Variants in UEVLD observed in about 807,000 individuals in gnomAD.
UEVLD encodes ubiquitin-conjugating enzyme E2 variant 3.
UEVLD carries 47 observed loss-of-function variants against 58.6 expected under a neutral mutation model. The observed-to-expected ratio is 0.80, with a 90% CI of 0.63 to 1.02. The LOEUF is 1.02. UEVLD is among the 50% of genes least tolerant of loss of function. The pLI is 0.00. For synonymous variants in UEVLD, 197 were observed against 195.3 expected (o/e 1.01, Z -0.07); for missense variants, 510 against 550.6 (o/e 0.93, Z 0.74).
intron 7 of UEVLD, among the ~76,000 whole-genome samples, chr11:18,551,626 G>C (rs1851534380): frequency 6.6e-6 from 1 of 152,166 alleles, no homozygotes; most frequent in African/African-American, 2.4e-5. Context: ...AGACCGCCTG[G>C]TTCAAATATG....
At chr11:18,549,115 C>T (rs1006284590) in intron 7 of UEVLD, among the ~76,000 whole-genome samples, 16 of 152,182 alleles carry the variant, frequency 1.1e-4, no homozygotes, top group African/African-American at 3.6e-4. Flanking sequence ...ATAAACTGCT[C>T]AAAGTCATAG....
chr11:18,542,718 T>C (rs1031679342), intron 9 of UEVLD, among the ~76,000 whole-genome samples: 50 of 152,204 alleles, frequency 3.3e-4, no homozygotes, highest in African/African-American at 1.2e-3. Flanking sequence ...TTTAATGGCA[T>C]CAAAGTATAG....
chr11:18,558,782 C>CA lies in UEVLD; in HGVS notation c.613-453dup, dbSNP rs760975470. 7.9e-3 allele frequency among the ~76,000 whole-genome samples: 933 copies of CA among 118,230 alleles called. 8 individuals are homozygous for CA. Among genetic ancestry groups the CA allele is most frequent in the East Asian group, 0.02 (80 of 4,016 alleles). 77.6% of individuals were successfully genotyped at this position (118,230 alleles called of 152,430 possible). A position where few individuals can be genotyped will look rare whatever the true frequency, so the allele number is the denominator to read the frequency against. The stretch of plus-strand genomic sequence containing the variant: ...TGGGCGATAGAGCGAGACTCTATCT[C>CA]AAAAAAAAAAAAAAGAAATTATGAA... On this transcript the variant is annotated intron_variant, in intron 6 of 11. Transcript: ENST00000396197.
chr11:18,582,847 AG>A (rs950398969), intron 1 of UEVLD, among the ~76,000 whole-genome samples: 8 of 152,166 alleles, frequency 5.3e-5, no homozygotes, highest in Admixed American at 5.2e-4. Flanking sequence ...TATAAAAATT[AG>A]TAAGACTGAA....
chr11:18,581,594 G>T (rs1482728277), intron 1 of UEVLD, among the ~76,000 whole-genome samples: 1 of 151,246 alleles, frequency 6.6e-6, no homozygotes, highest in Admixed American at 6.6e-5. Flanking sequence ...TGAGGCAGGA[G>T]AATCACTTGA....
chr11:18,557,864 C>T (rs1851826397), intron 7 of UEVLD, among the ~76,000 whole-genome samples: 1 of 152,126 alleles, frequency 6.6e-6, no homozygotes, highest in African/African-American at 2.4e-5. Context: ...TATGGCAGAG[C>T]AGGGATGGAA....
intron 7 of UEVLD, among the ~76,000 whole-genome samples, chr11:18,549,022 C>T (rs562827478): frequency 8.5e-5 from 13 of 152,288 alleles, no homozygotes; most frequent in African/African-American, 3.1e-4. Flanking sequence ...TAACAGTTCT[C>T]CATAAATTTA....
rs150828791 is a variant in UEVLD, at chr11:18,564,572, C to T, written c.612+320G>A. Among the ~76,000 whole-genome samples the T allele has an allele frequency of 7.4e-3, 1,116 of 150,308 alleles. 12 individuals are homozygous for T. Among genetic ancestry groups the T allele is most frequent in the African/African-American group, 0.026 (1,065 of 41,066 alleles). On this transcript the variant is annotated intron_variant, in intron 6 of 11. Transcript: ENST00000396197. ...CCAATTTTAGAAAGAGCTAAAATTA[C>T]TACATTAAATGAGTTTAATTAAAGT...
intron 5 of UEVLD, among the ~76,000 whole-genome samples, chr11:18,565,765 C>T (rs1852262704): frequency 6.6e-6 from 1 of 151,816 alleles, no homozygotes; most frequent in Non-Finnish European, 1.5e-5. Context: ...GTTGCATGAG[C>T]CCATATGGTA....
chr11:18,544,627 G>T lies in UEVLD; in HGVS notation c.1056C>A (p.Asp352Glu). 3 of 1,588,684 alleles carry T rather than the reference G, an allele frequency of 1.9e-6. No homozygotes were observed. Among genetic ancestry groups the T allele is most frequent in the Non-Finnish European group, 2.6e-6 (3 of 1,171,166 alleles). ...GCCTAAAAACGTACTTCTTACCTTT[G>T]TCTTCTCCTTGCTCGCCAATAACCC... ...EVWVIGEQGE[D>E]KVLTWSGQEE... is the part of the protein sequence containing the mutation. Residue 352 changes from aspartate (D) to glutamate (E), a missense_variant, in exon 9 of 12, where the codon GAC (aspartate) becomes GAA (glutamate). Asp to Glu is a conservative substitution (Grantham distance 45). Transcript: ENST00000396197.
chr11:18,534,241 G>A, intron 11 of UEVLD, 89 bp downstream of exon 11: 2 of 1,016,978 alleles, frequency 2.0e-6, no homozygotes, highest in Non-Finnish European at 2.6e-6. Context: ...GAAGACACCT[G>A]GGGTTAGAGT....
chr11:18,555,187 G>A (rs1248716926), intron 7 of UEVLD, among the ~76,000 whole-genome samples: 3 of 152,164 alleles, frequency 2.0e-5, no homozygotes, highest in African/African-American at 7.2e-5. Flanking sequence ...AGCACTTTGG[G>A]AGGCTGAGGA....
chr11:18,559,718 A>G (rs1851921440), intron 6 of UEVLD, among the ~76,000 whole-genome samples: 1 of 152,194 alleles, frequency 6.6e-6, no homozygotes, highest in South Asian at 2.1e-4. Flanking sequence ...TCTAAAATCA[A>G]ATCCTATTAT....
At chr11:18,554,580 T>C (rs1474734652) in intron 7 of UEVLD, among the ~76,000 whole-genome samples, 1 of 151,120 alleles carries the variant, frequency 6.6e-6, no homozygotes, top group Non-Finnish European at 1.5e-5. Context: ...GTAGTTTTAG[T>C]AGAGATGGGT....
rs1851338795 is a variant in UEVLD, at chr11:18,547,197, T to C, written c.716-147A>G. On this transcript the variant is annotated intron_variant, in intron 7 of 11. Coordinates refer to ENST00000396197, the MANE Select transcript of UEVLD (RefSeq NM_001040697.4). ...TCAACCCCAGATCCACAAAAGCATA[T>C]AAAATGCGGAGGTTTGCCTCCAAAA... 3.4e-5 allele frequency: 27 copies of C among 793,744 alleles called. 1 individual carries two copies. In the South Asian group the frequency reaches 4.7e-4, roughly 14 times the overall value. 49.2% of individuals were successfully genotyped at this position (793,744 alleles called of 1,614,324 possible). A position where few individuals can be genotyped will look rare whatever the true frequency, so the allele number is the denominator to read the frequency against.
chr11:18,569,873 T>C (rs140183598), intron 4 of UEVLD: 38 of 166,150 alleles, frequency 2.3e-4, no homozygotes, highest in Middle Eastern at 3.0e-3. Flanking sequence ...CAAATAAATA[T>C]AACATAAAAA....
intron 1 of UEVLD, among the ~76,000 whole-genome samples, chr11:18,582,771 G>T (rs1365502787): frequency 6.6e-6 from 1 of 152,026 alleles, no homozygotes; most frequent in Non-Finnish European, 1.5e-5. Context: ...GTGCTTAAAG[G>T]GTACAGGTAC....
chr11:18,536,058 C>T (rs140210665), intron 10 of UEVLD, among the ~76,000 whole-genome samples: 4,744 of 152,228 alleles, frequency 0.031, 107 homozygotes, highest in Non-Finnish European at 0.045. Flanking sequence ...CGCTTGAACC[C>T]GGGAGGCGGA....
intron 7 of UEVLD, among the ~76,000 whole-genome samples, chr11:18,557,939 C>G (rs182596471): frequency 2.2e-4 from 34 of 152,242 alleles, no homozygotes; most frequent in Non-Finnish European, 8.8e-5. Context: ...AAGAGGCAAT[C>G]AGAGATAAAT....
Sources: gnomAD v4.1 joint callset for allele counts (sites outside exome capture counted in the v4.1 genomes callset) on GRCh38, gnomAD v4.1.1 for gene constraint, MANE v1.5 for transcripts, NCBI Gene and HGNC (gene_info 2026-07-23, HGNC 2026-07-21) for gene names.